Variants in ZFHX3 observed in about 807,000 individuals in gnomAD.
The protein encoded by ZFHX3 is zinc finger homeobox protein 3.
In ZFHX3, 42 loss-of-function variants were observed where a neutral mutation model predicts 279.1. The ratio of observed to expected loss-of-function variants is 0.15; its 90% CI spans 0.12 to 0.19. The LOEUF is 0.19. ZFHX3 is among the 10% of genes least tolerant of loss of function. ZFHX3 has a pLI of 1.00. For synonymous variants in ZFHX3, 2,293 were observed against 1,957.8 expected (o/e 1.17, Z -4.52); for missense variants, 4,981 against 4,754.0 (o/e 1.05, Z -1.40).
At chr16:72,806,047 T>G (rs1019128678) in intron 7 of ZFHX3, 2 of 152,192 alleles carry the variant, frequency 1.3e-5, no homozygotes, top group African/African-American at 4.8e-5. Flanking sequence ...ACACCACCAC[T>G]CTCAGCAATT....
At chr16:73,250,085 T>G (rs1449156184) in intron 5 of ZFHX3, among the ~76,000 whole-genome samples, 1 of 152,224 alleles carries the variant, frequency 6.6e-6, no homozygotes, top group African/African-American at 2.4e-5. Flanking sequence ...CAGGTCCTTA[T>G]TTTTCTTTTC....
intron 6 of ZFHX3, chr16:73,134,477 C>G (rs907998792): frequency 6.6e-6 from 1 of 151,174 alleles, no homozygotes; most frequent in Non-Finnish European, 1.5e-5. Flanking sequence ...ACCACAGGCA[C>G]GTGTCACCAC....
chr16:73,772,048 G>A (rs1197178563), intron 1 of ZFHX3, among the ~76,000 whole-genome samples: 1 of 151,942 alleles, frequency 6.6e-6, no homozygotes, highest in Non-Finnish European at 1.5e-5. Context: ...CTCTTAAACT[G>A]TGGGGATGTG....
chr16:73,053,541 G>A (rs1965488509), intron 1 of ZFHX3, among the ~76,000 whole-genome samples: 1 of 152,056 alleles, frequency 6.6e-6, no homozygotes. Flanking sequence ...AGGTGTGGCA[G>A]GGGCAAAGTG....
chr16:72,800,313 T>C (rs921833814), intron 7 of ZFHX3, among the ~76,000 whole-genome samples, 184 bp from the exon 8 acceptor site: 24 of 152,252 alleles, frequency 1.6e-4, no homozygotes, highest in African/African-American at 5.8e-4. Flanking sequence ...AAAGTGTTTC[T>C]ACGGTTACAT....
intron 3 of ZFHX3, among the ~76,000 whole-genome samples, chr16:72,920,205 C>A (rs2039548942): frequency 6.6e-6 from 1 of 151,966 alleles, no homozygotes; most frequent in Admixed American, 6.6e-5. Context: ...CCAAAATAAA[C>A]AATGTTGTGA....
At chr16:73,545,803 A>T (rs1275545052) in intron 2 of ZFHX3, among the ~76,000 whole-genome samples, 1 of 152,142 alleles carries the variant, frequency 6.6e-6, no homozygotes, top group Non-Finnish European at 1.5e-5. Flanking sequence ...TAAAAAAAAA[A>T]AAAAAAGTTT....
intron 3 of ZFHX3, among the ~76,000 whole-genome samples, chr16:73,325,928 A>ACACACAAAAACAC (rs1567451240): frequency 6.9e-6 from 1 of 145,492 alleles, no homozygotes; most frequent in Non-Finnish European, 1.5e-5. Context: ...CACACACACA[A>ACACACAAAAACAC]ACACACACAC....
intron 2 of ZFHX3, among the ~76,000 whole-genome samples, chr16:73,577,643 C>T (rs2051814561): frequency 6.6e-6 from 1 of 152,168 alleles, no homozygotes; most frequent in African/African-American, 2.4e-5. Context: ...CAACAGCTTT[C>T]TCTTTCCTCA....
At chr16:73,283,172 G>A (rs1242636660) in intron 4 of ZFHX3, among the ~76,000 whole-genome samples, 3 of 152,208 alleles carry the variant, frequency 2.0e-5, no homozygotes, top group Non-Finnish European at 4.4e-5. Flanking sequence ...GAGCGTTGCT[G>A]TGTTCCAAGA....
chr16:73,473,365 A>AAAAAAAAAAAC (rs2018708335), intron 2 of ZFHX3, among the ~76,000 whole-genome samples: 69 of 130,166 alleles, frequency 5.3e-4, no homozygotes, highest in African/African-American at 1.9e-3. Context: ...AAACAAAAAA[A>AAAAAAAAAAAC]AAAAAAACAA....
chr16:73,279,142 G>A (rs574721611), intron 4 of ZFHX3, among the ~76,000 whole-genome samples: 2 of 151,692 alleles, frequency 1.3e-5, no homozygotes, highest in African/African-American at 4.8e-5. Flanking sequence ...TCACCTTACA[G>A]TTAATTCATT....
intron 1 of ZFHX3, among the ~76,000 whole-genome samples, chr16:73,774,525 T>G (rs1281330652): frequency 1.3e-5 from 2 of 152,168 alleles, no homozygotes; most frequent in Non-Finnish European, 2.9e-5. Flanking sequence ...ACCTCCAGAC[T>G]CAATCTTTAT....
At chr16:73,566,947 C>T (rs2020460658) in intron 2 of ZFHX3, among the ~76,000 whole-genome samples, 1 of 152,164 alleles carries the variant, frequency 6.6e-6, no homozygotes, top group Admixed American at 6.5e-5. Context: ...GATCCGCCTG[C>T]CTTGGCCTCC....
intron 7 of ZFHX3, among the ~76,000 whole-genome samples, chr16:73,130,313 C>T (rs1021428861): frequency 7.9e-5 from 12 of 152,012 alleles, no homozygotes; most frequent in Non-Finnish European, 1.8e-4. Context: ...CTCCGACAGT[C>T]TCAAGAGATG....
intron 1 of ZFHX3, among the ~76,000 whole-genome samples, chr16:73,685,404 C>G (rs529785813): frequency 1.4e-4 from 22 of 152,196 alleles, no homozygotes; most frequent in Non-Finnish European, 2.6e-4. Flanking sequence ...TTATTACTGG[C>G]TTTGAAGACT....
chr16:73,551,682 T>A (rs758036321), intron 2 of ZFHX3, among the ~76,000 whole-genome samples: 1 of 152,186 alleles, frequency 6.6e-6, no homozygotes, highest in Non-Finnish European at 1.5e-5. Flanking sequence ...AAAGATTACA[T>A]CTCATTTTCA....
intron 1 of ZFHX3, among the ~76,000 whole-genome samples, chr16:73,721,141 T>C (rs1475898771): frequency 1.3e-5 from 2 of 152,064 alleles, no homozygotes; most frequent in Non-Finnish European, 2.9e-5. Context: ...TTTCTTTTTT[T>C]TGACAGAGTC....
chr16:73,037,195 T>C (rs1462684225), intron 1 of ZFHX3, among the ~76,000 whole-genome samples: 1 of 152,146 alleles, frequency 6.6e-6, no homozygotes, highest in Non-Finnish European at 1.5e-5. Flanking sequence ...TTGGGAGTAT[T>C]TTTCAGTGTA....
Sources: allele counts gnomAD v4.1 joint callset (sites outside exome capture counted in the v4.1 genomes callset), GRCh38; gene constraint gnomAD v4.1.1; transcripts MANE v1.5; gene names NCBI Gene and HGNC (gene_info 2026-07-23, HGNC 2026-07-21).